Variants in VPS13C observed in about 807,000 individuals in gnomAD.
VPS13C encodes intermembrane lipid transfer protein VPS13C.
In VPS13C, 358 loss-of-function variants were observed where a neutral mutation model predicts 456.8. The observed-to-expected ratio is 0.78, with a 90% CI of 0.72 to 0.86. VPS13C has a LOEUF of 0.86. Ranked by LOEUF, VPS13C falls within the 40% of genes least tolerant of loss-of-function variation. The pLI, the probability that VPS13C is intolerant of heterozygous loss-of-function variation, is 0.00. For missense variants in VPS13C, 4,818 were observed against 4,385.4 expected, an observed-to-expected ratio of 1.10 and a Z score of -2.79; for synonymous variants, 1,578 against 1,486.7, an observed-to-expected ratio of 1.06 and a Z score of -1.41.
chr15:61,967,474 G>C (rs748209684), intron 28 of VPS13C, 27 bp from the exon 29 acceptor site: 4 of 1,524,328 alleles, frequency 2.6e-6, no homozygotes, highest in Non-Finnish European at 2.7e-6. Flanking sequence ...GGAAAAAAAA[G>C]TGTTTCAAAT....
At chr15:61,925,591 A>G (rs1255988714) in intron 52 of VPS13C, 43 bp from the exon 53 acceptor site, 1 of 1,370,494 alleles carries the variant, frequency 7.3e-7, no homozygotes, top group Non-Finnish European at 1.0e-6. Context: ...TAGATCCATT[A>G]TATACATAAC....
chr15:61,991,698 C>T lies in VPS13C; in HGVS notation c.1458G>A (p.Lys486=). 1 of 1,611,426 alleles carries T rather than the reference C, an allele frequency of 6.2e-7. No homozygotes were observed. ...GLWGKKESKK[K]DEESLIPETI... is the part of the protein sequence containing the mutation. ...TTTCAGGAATCAATGATTCTTCGTC[C>T]TTTTTCTTAGACTCTTTCTTACCCC... The change falls in exon 17 of 85, where the codon AAG becomes AAA. Residue 486 remains lysine, a synonymous_variant. Transcript: ENST00000644861.
intron 38 of VPS13C, among the ~76,000 whole-genome samples, chr15:61,953,721 C>A (rs1037692494): frequency 6.6e-6 from 1 of 151,986 alleles, no homozygotes; most frequent in Non-Finnish European, 1.5e-5. Context: ...GTCTTTATAG[C>A]AGCATGATTT....
chr15:61,922,728 A>T lies in VPS13C; in HGVS notation c.6644T>A (p.Ile2215Asn), dbSNP rs555377447. The change falls in exon 54 of 85, where the codon ATC becomes AAC. Residue 2215 changes from isoleucine to asparagine, a missense_variant. By Grantham distance (149) the Ile-to-Asn change is moderately radical. Coordinates refer to ENST00000644861, the MANE Select transcript of VPS13C (RefSeq NM_020821.3). ...TGTTTTTGGAGACAATGCAGCCATG[A>T]TTGTCAACACAGTATTAAGAATTAT... Reference protein sequence around the residue: ...SPIILNTVLTIMAALSPKTKE... With the variant: ...SPIILNTVLTNMAALSPKTKE... The T allele has an allele frequency of 6.2e-7, 1 of 1,612,408 alleles. No homozygotes were observed. Among genetic ancestry groups the T allele is most frequent in the South Asian group, 1.1e-5 (1 of 90,694 alleles).
At chr15:62,009,729 T>C (rs2046978188) in intron 13 of VPS13C, among the ~76,000 whole-genome samples, 2 of 152,184 alleles carry the variant, frequency 1.3e-5, no homozygotes, top group Non-Finnish European at 2.9e-5. Context: ...CTCCTTTCAC[T>C]TCCAGTTCAC....
intron 66 of VPS13C, among the ~76,000 whole-genome samples, chr15:61,891,224 C>T (rs553216962): frequency 6.6e-6 from 1 of 152,218 alleles, no homozygotes; most frequent in East Asian, 1.9e-4. Context: ...ATAATAAATT[C>T]CACTTTGTTC....
intron 34 of VPS13C, 34 bp downstream of exon 34, chr15:61,962,337 A>G: frequency 1.3e-6 from 2 of 1,533,902 alleles, no homozygotes; most frequent in Non-Finnish European, 1.8e-6. Flanking sequence ...AATATTTCAA[A>G]GTTGAAAAAT....
intron 75 of VPS13C, 33 bp downstream of exon 75, chr15:61,876,940 T>C (rs1332174038): frequency 6.7e-7 from 1 of 1,494,050 alleles, no homozygotes; most frequent in Non-Finnish European, 9.2e-7. Flanking sequence ...TTATGAAGTA[T>C]ATTCCTTATG....
At position 62,048,726 on chromosome 15, in the gene VPS13C, T is replaced by TA. The variant is rs2048515136; in HGVS notation, c.101-4472dup. Among the ~76,000 whole-genome samples, 3 of 152,018 alleles carry TA rather than the reference T, an allele frequency of 2.0e-5. No individual in the cohort carries two copies. The South Asian group carries it at 6.2e-4, about 32-fold the overall frequency. The stretch of plus-strand genomic sequence containing the variant: ...CTAGTTTACAGTCCCACCAACAGTG[T>TA]AAAAGTGTTCCTATTTCTCCACATC... On this transcript the variant is annotated intron_variant, in intron 1 of 84. Coordinates refer to ENST00000644861, the MANE Select transcript of VPS13C (RefSeq NM_020821.3).
chr15:61,976,686 A>C (rs548970418), intron 24 of VPS13C, among the ~76,000 whole-genome samples: 1 of 152,174 alleles, frequency 6.6e-6, no homozygotes, highest in South Asian at 2.1e-4. Flanking sequence ...TTTTAAAAAC[A>C]GTATAAACAT....
At position 61,962,801 on chromosome 15, in the gene VPS13C, C is replaced by T. The variant is rs756602401; in HGVS notation, c.3383G>A (p.Arg1128Gln). The part of the protein sequence containing the change: ...LQSRKQSLFA[R>Q]LENIIVTDVD... ...ATCTGTGACAATAATATTTTCTAGT[C>T]GGGCAAAAAGTGACTGCTTTCTTGA... The change falls in exon 33 of 85, where the codon CGA (arginine) becomes CAA (glutamine). Residue 1128 changes from arginine to glutamine, a missense_variant. Physicochemically the swap from Arg to Gln is conservative, Grantham distance 43 (BLOSUM62 1). Transcript: ENST00000644861. 9.3e-6 allele frequency: 15 copies of T among 1,606,214 alleles called. No individual in the cohort carries two copies. The highest frequency in any genetic ancestry group is 5.6e-5 in the South Asian group (5 of 89,636).
chr15:61,982,604 T>C (rs763915482), intron 20 of VPS13C, 31 bp from the exon 21 acceptor site: 2 of 1,479,128 alleles, frequency 1.4e-6, no homozygotes, highest in Non-Finnish European at 1.9e-6. Context: ...CATAACCAAG[T>C]TACACATGGT....
At chr15:61,901,327 T>C (rs1322401188) in intron 66 of VPS13C, among the ~76,000 whole-genome samples, 1 of 151,810 alleles carries the variant, frequency 6.6e-6, no homozygotes, top group Admixed American at 6.6e-5. Flanking sequence ...ACAGGCAACC[T>C]ACAAAATGGG....
Position 61,976,993 on chromosome 15 carries a change from AATCT to A in VPS13C, c.2408+85_2408+88del, listed in dbSNP as rs541947711. On this transcript the variant is annotated intron_variant, in intron 24 of 84. Coordinates refer to ENST00000644861, the MANE Select transcript of VPS13C (RefSeq NM_020821.3). ...AATCATTTTTGCTGTCTCCCACAGA[AATCT>A]ATCTTTGCTTCCTTAAATTCTAGCA... The A allele has an allele frequency of 7.0e-4, 640 of 913,610 alleles. 1 individual carries two copies. The highest frequency in any genetic ancestry group is 4.5e-3 in the Middle Eastern group (19 of 4,224). 56.6% of individuals were successfully genotyped at this position (913,610 alleles called of 1,614,324 possible).
Position 61,945,723 on chromosome 15 carries a change from A to G in VPS13C, c.5140T>C (p.Ser1714Pro), listed in dbSNP as rs981409147. 3 of 1,583,502 alleles carry G rather than the reference A, an allele frequency of 1.9e-6. No individual in the cohort carries two copies. The African/African-American group carries it at 4.1e-5, about 22-fold the overall frequency. Residue 1714 changes from serine to proline, a missense_variant, in exon 45 of 85, where the codon TCT becomes CCT. Transcript: ENST00000644861. ...TATTTTTAAAAACTTACCAAAAGAG[A>G]CATGAAGAATTTATGAACATAAACA... The part of the protein sequence containing the change: ...QIVYVHKFFM[S>P]LLNFLNNFQT...
chr15:62,037,033 A>G (rs1213382871), intron 3 of VPS13C, among the ~76,000 whole-genome samples: 1 of 149,038 alleles, frequency 6.7e-6, no homozygotes, highest in Admixed American at 6.8e-5. Context: ...TATACTTTGC[A>G]TACTTATTTG....
At chr15:61,969,679 T>C (rs573944256) in intron 27 of VPS13C, among the ~76,000 whole-genome samples, 16 of 152,276 alleles carry the variant, frequency 1.1e-4, no homozygotes, top group African/African-American at 3.1e-4. Flanking sequence ...AACTTCATTG[T>C]TTACTTTTTC....
chr15:62,041,231 C>G, intron 3 of VPS13C, 93 bp downstream of exon 3: 1 of 1,370,222 alleles, frequency 7.3e-7, no homozygotes, highest in South Asian at 1.3e-5. Flanking sequence ...ATCTCTCACA[C>G]TTTTAATCAA....
intron 10 of VPS13C, 123 bp from the exon 11 acceptor site, chr15:62,013,242 G>A (rs2047110823): frequency 1.8e-6 from 1 of 545,436 alleles, no homozygotes; most frequent in Non-Finnish European, 3.0e-6. Flanking sequence ...ATTTTTAAAG[G>A]AAAGAAAATA....
Sources: allele counts gnomAD v4.1 joint callset (sites outside exome capture counted in the v4.1 genomes callset), GRCh38; gene constraint gnomAD v4.1.1; transcripts MANE v1.5; gene names NCBI Gene and HGNC (gene_info 2026-07-23, HGNC 2026-07-21).